The following OR9G1 variants were observed in gnomAD, a reference collection of about 807,000 sequenced individuals.
OR9G1 encodes the protein olfactory receptor 9G1.
OR9G1 carries 21 observed loss-of-function variants against 14.5 expected under a neutral mutation model. That is an observed-to-expected ratio of 1.45 (90% confidence interval 1.03 to 2.09). The LOEUF is 2.09. Among genes scored for constraint, OR9G1 ranks in the 30% most tolerant of loss-of-function variants. OR9G1 has a pLI of 0.00. For missense variants in OR9G1, 476 were observed against 364.2 expected (o/e 1.31, Z -2.50); for synonymous variants, 179 against 153.3 (o/e 1.17, Z -1.24).
At chr11:56,699,751 T>C (rs565811533) in intron 1 of OR9G1, among the ~76,000 whole-genome samples, 7 of 152,420 alleles carry the variant, frequency 4.6e-5, no homozygotes, top group African/African-American at 1.4e-4. Flanking sequence ...ATTGTTATTA[T>C]TGTGTTTATT....
rs777690315 is a variant in OR9G1 at position 56,700,529 on chromosome 11, A to C, written c.142A>C (p.Ile48Leu). 1.2e-6 allele frequency: 2 copies of C among 1,614,312 alleles called. No individual in the cohort carries two copies. Residue 48 changes from isoleucine (I) to leucine (L), a missense_variant, in exon 2 of 2, where the codon ATC becomes CTC. This residue lies in a region of OR9G1 where 89 missense variants were observed against 85.1 expected (regional missense o/e 1.05). Transcript: ENST00000642097. ...AGGAAATAGCACCCTCATCGTGTTG[A>C]TCTGTAATGACTCCTGCCTCCACAC... ...VVGNSTLIVL[I>L]CNDSCLHTPM...
In OR9G1 at chr11:56,701,948, G is replaced by C. The variant is rs1181960434; in HGVS notation, c.*643G>C. The C allele has an allele frequency of 6.6e-6, 1 of 152,314 alleles. No homozygotes were observed. Among genetic ancestry groups the C allele is most frequent in the African/African-American group, 2.4e-5 (1 of 41,488 alleles). The allele number at this position is 152,314 out of a possible 1,614,324, so 9.4% of individuals were successfully genotyped here. On this transcript the variant is annotated 3_prime_UTR_variant, in exon 2 of 2. Coordinates refer to ENST00000642097, the MANE Select transcript of OR9G1 (RefSeq NM_001005213.2). ...TCCCAGAGCTCCTCTTTATTTTACA[G>C]GGGTGAACTTACAAGGACTTTTACA... is the stretch of plus-strand genomic sequence containing the variant.
chr11:56,700,891 C>G lies in OR9G1; in HGVS notation c.504C>G (p.Cys168Trp). ...AGAAAACGTTTTCCTTTAACTTCTG[C>G]CGTGAAAACATCATTGATGACTTTT... ...ITKKTFSFNF[C>W]RENIIDDFFC... is the part of the protein sequence containing the mutation. Residue 168 changes from cysteine (C) to tryptophan (W), a missense_variant, in exon 2 of 2, where the codon TGC becomes TGG. By Grantham distance (215) the Cys-to-Trp change is radical. This residue lies in a region of OR9G1 where 352 missense variants were observed against 211.6 expected (regional missense o/e 1.66). Coordinates refer to ENST00000642097, the MANE Select transcript of OR9G1 (RefSeq NM_001005213.2). 1 of 1,614,268 alleles carries G rather than the reference C, an allele frequency of 6.2e-7. No individual in the cohort carries two copies.
At position 56,703,157 on chromosome 11, in the gene OR9G1, A is replaced by C. The variant is rs2135022507; in HGVS notation, c.*1852A>C. 1 of 152,430 alleles carries C rather than the reference A, an allele frequency of 6.6e-6. No homozygotes were observed. The highest frequency in any genetic ancestry group is 2.4e-5 in the African/African-American group (1 of 41,610). The allele number at this position is 152,430 out of a possible 1,614,324, so 9.4% of individuals were successfully genotyped here. On this transcript the variant is annotated 3_prime_UTR_variant, in exon 2 of 2. Coordinates refer to ENST00000642097, the MANE Select transcript of OR9G1 (RefSeq NM_001005213.2). ...ATGTAATTTATGCTTATAAACACAA[A>C]TTCTCTCTGGTTTGAATTGGCACAA...
intron 1 of OR9G1, 31 bp from the exon 2 acceptor site, chr11:56,700,339 T>A: frequency 6.2e-7 from 1 of 1,605,042 alleles, no homozygotes; most frequent in Non-Finnish European, 8.5e-7. Flanking sequence ...ATGACAGTAA[T>A]GCAAACTGAG....
In OR9G1 at chr11:56,702,621, T is replaced by C. The variant is rs1033931013; in HGVS notation, c.*1316T>C. The C allele has an allele frequency of 2.2e-5, 2 of 90,760 alleles. No individual in the cohort carries two copies. The highest frequency in any genetic ancestry group is 1.2e-4 in the Admixed American group (1 of 8,664). 5.6% of individuals were successfully genotyped at this position (90,760 alleles called of 1,614,324 possible). A position where few individuals can be genotyped will look rare whatever the true frequency, so the allele number is the denominator to read the frequency against. Reference sequence around the variant, plus strand: ...AATGCATAATGTATAATATACGAAGTGATATTTCATTATGATAAGTGAAAT... The same window carrying C: ...AATGCATAATGTATAATATACGAAGCGATATTTCATTATGATAAGTGAAAT... On this transcript the variant is annotated 3_prime_UTR_variant, in exon 2 of 2. Coordinates refer to ENST00000642097, the MANE Select transcript of OR9G1 (RefSeq NM_001005213.2).
Position 56,700,759 on chromosome 11 carries a change from C to T in OR9G1, c.372C>T (p.Ala124=), listed in dbSNP as rs753546668. Reference sequence around the variant, plus strand: ...CCGTGGCTTATGACCGCTACGTGGCCATCTCCAAGCCCCTGCTTTATGCCC... The same window carrying T: ...CCGTGGCTTATGACCGCTACGTGGCTATCTCCAAGCCCCTGCTTTATGCCC... ...LAAVAYDRYV[A]ISKPLLYAQA... The change falls in exon 2 of 2, where the codon GCC becomes GCT. Residue 124 remains alanine (A), a synonymous_variant. Coordinates refer to ENST00000642097, the MANE Select transcript of OR9G1 (RefSeq NM_001005213.2). The T allele has an allele frequency of 3.1e-6, 5 of 1,614,312 alleles. No individual in the cohort carries two copies. Among genetic ancestry groups the T allele is most frequent in the South Asian group, 2.2e-5 (2 of 91,092 alleles).
Position 56,701,393 on chromosome 11 carries a change from C to T in OR9G1, c.*88C>T. 4.0e-6 allele frequency: 6 copies of T among 1,491,380 alleles called. No individual in the cohort carries two copies. The highest frequency in any genetic ancestry group is 5.3e-6 in the Non-Finnish European group (6 of 1,125,020). 92.4% of individuals were successfully genotyped at this position (1,491,380 alleles called of 1,614,324 possible). A position where few individuals can be genotyped will look rare whatever the true frequency, so the allele number is the denominator to read the frequency against. On this transcript the variant is annotated 3_prime_UTR_variant, in exon 2 of 2. Transcript: ENST00000642097. ...AAACAGAGTTACCATTGTGCTTTAT[C>T]GTGATCAGTCCCCTTCTTGACACGT... is the stretch of plus-strand genomic sequence containing the variant.
chr11:56,703,578 A>T lies in OR9G1; in HGVS notation c.*2273A>T, dbSNP rs1450851399. The T allele has an allele frequency of 2.0e-5, 3 of 152,422 alleles. No homozygotes were observed. Among genetic ancestry groups the T allele is most frequent in the African/African-American group, 7.2e-5 (3 of 41,604 alleles). The allele number at this position is 152,422 out of a possible 1,614,324, so 9.4% of individuals were successfully genotyped here. A position where few individuals can be genotyped will look rare whatever the true frequency, so the allele number is the denominator to read the frequency against. On this transcript the variant is annotated 3_prime_UTR_variant, in exon 2 of 2. Coordinates refer to ENST00000642097, the MANE Select transcript of OR9G1 (RefSeq NM_001005213.2). Reference sequence around the variant, plus strand: ...TAAATCAATTATTTTATGTTTCTTGACCGAAACTAGAAAGTACATCATTCC... The same window carrying T: ...TAAATCAATTATTTTATGTTTCTTGTCCGAAACTAGAAAGTACATCATTCC...
rs1857597703 is a variant in OR9G1, at chr11:56,700,531, C to A, written c.144C>A (p.Ile48=). The change falls in exon 2 of 2, where the codon ATC becomes ATA. Residue 48 remains isoleucine (I), a synonymous_variant. Transcript: ENST00000642097. ...GAAATAGCACCCTCATCGTGTTGAT[C>A]TGTAATGACTCCTGCCTCCACACAC... The part of the protein sequence containing the change: ...VVGNSTLIVL[I]CNDSCLHTPM... The A allele has an allele frequency of 1.2e-6, 2 of 1,614,320 alleles. No homozygotes were observed. Among genetic ancestry groups the A allele is most frequent in the African/African-American group, 1.3e-5 (1 of 75,090 alleles).
chr11:56,699,610 G>A (rs796944845), intron 1 of OR9G1, among the ~76,000 whole-genome samples: 40 of 1,242 alleles, frequency 0.032, no homozygotes, highest in African/African-American at 0.033. Flanking sequence ...GATATATTTT[G>A]CTCTACCCAT....
rs933118240 is a variant in OR9G1, at chr11:56,703,245, T to G, written c.*1940T>G. Reference sequence around the variant, plus strand: ...AGGTAGACCCAGAAAATGTACAAGATTCACACAGAGTAGAAAGAGTAAATC... The same window carrying G: ...AGGTAGACCCAGAAAATGTACAAGAGTCACACAGAGTAGAAAGAGTAAATC... On this transcript the variant is annotated 3_prime_UTR_variant, in exon 2 of 2. Transcript: ENST00000642097. The G allele has an allele frequency of 2.0e-5, 3 of 152,306 alleles. No homozygotes were observed. Among genetic ancestry groups the G allele is most frequent in the African/African-American group, 7.2e-5 (3 of 41,486 alleles). 9.4% of individuals were successfully genotyped at this position (152,306 alleles called of 1,614,324 possible). A position where few individuals can be genotyped will look rare whatever the true frequency, so the allele number is the denominator to read the frequency against.
At chr11:56,700,159 C>T (rs1009570459) in intron 1 of OR9G1, among the ~76,000 whole-genome samples, 1 of 152,300 alleles carries the variant, frequency 6.6e-6, no homozygotes, top group Non-Finnish European at 1.5e-5. Context: ...ACAGTCATTC[C>T]TAAAGGAAAA....
Position 56,700,671 on chromosome 11 carries a change from G to T in OR9G1, c.284G>T (p.Gly95Val). The T allele has an allele frequency of 1.2e-6, 2 of 1,614,318 alleles. No individual in the cohort carries two copies. The highest frequency in any genetic ancestry group is 1.7e-6 in the Non-Finnish European group (2 of 1,180,058). The change falls in exon 2 of 2, where the codon GGC (glycine) becomes GTC (valine). Residue 95 changes from glycine (G) to valine (V), a missense_variant. This residue lies in a region of OR9G1 where 35 missense variants were observed against 67.6 expected (regional missense o/e 0.52). Transcript: ENST00000642097. ...ISEDKSISFA[G>V]CLCQFFFSAG... ...GAAGACAAAAGCATCTCCTTTGCTG[G>T]CTGCCTGTGTCAGTTCTTCTTCTCT...
At chr11:56,699,670 G>A (rs375594856) in intron 1 of OR9G1, among the ~76,000 whole-genome samples, 2 of 152,272 alleles carry the variant, frequency 1.3e-5, no homozygotes, top group Admixed American at 1.3e-4. Context: ...GAAGAGAGTG[G>A]GTAGATTTTC....
In OR9G1 at chr11:56,699,169, G is replaced by A. The variant is rs962715604; in HGVS notation, c.-40G>A. 6.5e-6 allele frequency: 1 copy of A among 152,772 alleles called. No individual in the cohort carries two copies. The highest frequency in any genetic ancestry group is 1.5e-5 in the Non-Finnish European group (1 of 68,360). The allele number at this position is 152,772 out of a possible 1,614,324, so 9.5% of individuals were successfully genotyped here. On this transcript the variant is annotated 5_prime_UTR_variant, in exon 1 of 2. Transcript: ENST00000642097. Reference sequence around the variant, plus strand: ...TAGCACTGAGACACATGCAGCAAGAGAAGTAGAAGCAAACCAGACAGGTAT... The same window carrying A: ...TAGCACTGAGACACATGCAGCAAGAAAAGTAGAAGCAAACCAGACAGGTAT...
rs1857654395 is a variant in OR9G1, at chr11:56,702,247, T to TGG, written c.*942_*943insGG. ...ATTACATTTCTTGTAAGGCTGATTATTATTCCATTGTGTACTATATGCCAC... is the reference window on the plus strand; with the variant it reads ...ATTACATTTCTTGTAAGGCTGATTATGGTATTCCATTGTGTACTATATGCCAC... On this transcript the variant is annotated 3_prime_UTR_variant, in exon 2 of 2. Coordinates refer to ENST00000642097, the MANE Select transcript of OR9G1 (RefSeq NM_001005213.2). 5 of 149,696 alleles carry TGG rather than the reference T, an allele frequency of 3.3e-5. No homozygotes were observed. Among genetic ancestry groups the TGG allele is most frequent in the African/African-American group, 1.2e-4 (5 of 40,460 alleles). The allele number at this position is 149,696 out of a possible 1,614,324, so 9.3% of individuals were successfully genotyped here.
In OR9G1 at chr11:56,701,625, T is replaced by G; in HGVS notation, c.*320T>G. On this transcript the variant is annotated 3_prime_UTR_variant, in exon 2 of 2. Coordinates refer to ENST00000642097, the MANE Select transcript of OR9G1 (RefSeq NM_001005213.2). ...TGGCTAACTGATACATATAGAAGAG[T>G]ATCTATATAGTTCCTAGAACTAGGA... 1 of 305,284 alleles carries G rather than the reference T, an allele frequency of 3.3e-6. No homozygotes were observed. Among genetic ancestry groups the G allele is most frequent in the Non-Finnish European group, 5.9e-6 (1 of 168,504 alleles). The allele number at this position is 305,284 out of a possible 1,614,324, so 18.9% of individuals were successfully genotyped here. A position where few individuals can be genotyped will look rare whatever the true frequency, so the allele number is the denominator to read the frequency against.
At position 56,701,451 on chromosome 11, in the gene OR9G1, G is replaced by A. The variant is rs559723146; in HGVS notation, c.*146G>A. On this transcript the variant is annotated 3_prime_UTR_variant, in exon 2 of 2. Coordinates refer to ENST00000642097, the MANE Select transcript of OR9G1 (RefSeq NM_001005213.2). ...ACAGACATGTACAATAAGAAAATTAGGAAAATTTCGGACAAAAACATCTGA... is the reference window on the plus strand; with the variant it reads ...ACAGACATGTACAATAAGAAAATTAAGAAAATTTCGGACAAAAACATCTGA... The A allele has an allele frequency of 5.2e-6, 6 of 1,147,964 alleles. No individual in the cohort carries two copies. In the South Asian group the frequency reaches 7.9e-5, roughly 15 times the overall value. 71.1% of individuals were successfully genotyped at this position (1,147,964 alleles called of 1,614,324 possible).
Sources: gnomAD v4.1 joint callset for allele counts (sites outside exome capture counted in the v4.1 genomes callset) on GRCh38, gnomAD v4.1.1 for gene constraint, gnomAD v4.1.1 regional missense constraint, MANE v1.5 for transcripts, NCBI Gene and HGNC (gene_info 2026-07-23, HGNC 2026-07-21) for gene names.